The following ZNF577 variants were observed in gnomAD, a reference collection of about 807,000 sequenced individuals.
ZNF577 encodes zinc finger protein 577.
A neutral mutation model predicts 13.9 loss-of-function variants in ZNF577; 14 were observed. The ratio of observed to expected loss-of-function variants is 1.00; its 90% CI spans 0.66 to 1.57. The LOEUF (loss-of-function observed/expected upper bound fraction) is 1.57. Ranked by LOEUF, ZNF577 falls within the 40% of genes most tolerant of loss-of-function variation. The pLI is 0.00. For missense variants in ZNF577, 555 were observed against 579.2 expected (o/e 0.96, Z 0.43); for synonymous variants, 203 against 202.9 (o/e 1.00, Z 0.00).
chr19:51,869,152 T>C lies in ZNF577; in HGVS notation c.*3380A>G, dbSNP rs1235135047. On this transcript the variant is annotated 3_prime_UTR_variant, in exon 6 of 6. Transcript: ENST00000638348. ...ATAAAGGGTCTGTGCTGAGGAGGAT[T>C]AGTGAAAGAGGAAGGCCTCTTTGCA... Among the ~76,000 whole-genome samples the C allele has an allele frequency of 6.6e-6, 1 of 152,090 alleles. No homozygotes were observed. Among genetic ancestry groups the C allele is most frequent in the Admixed American group, 6.5e-5 (1 of 15,268 alleles).
intron 5 of ZNF577, among the ~76,000 whole-genome samples, chr19:51,851,499 C>T (rs565921760): frequency 6.6e-5 from 10 of 152,240 alleles, no homozygotes; most frequent in African/African-American, 2.2e-4. Context: ...CTTTCCCATA[C>T]GTTGAAAATT....
Position 51,873,421 on chromosome 19 carries a change from T to C in ZNF577, c.569A>G (p.Glu190Gly). ...CTTCCTCATGAATGTTTTCCCACAT[T>C]CACCACATCCATGGGGTTTCTCTCC... The part of the protein sequence containing the change: ...ERGEKPHGCG[E>G]CGKTFMRKIQ... Residue 190 changes from glutamate (E) to glycine (G), a missense_variant, in exon 6 of 6, where the codon GAA becomes GGA. Physicochemically the swap from Glu to Gly is moderately conservative, Grantham distance 98. Transcript: ENST00000638348. 6.2e-7 allele frequency: 1 copy of C among 1,614,216 alleles called. No individual in the cohort carries two copies. Among genetic ancestry groups the C allele is most frequent in the Non-Finnish European group, 8.5e-7 (1 of 1,180,044 alleles).
In ZNF577 at chr19:51,871,097, T is replaced by C. The variant is rs2084652193; in HGVS notation, c.*1435A>G. Among the ~76,000 whole-genome samples, 1 of 152,114 alleles carries C rather than the reference T, an allele frequency of 6.6e-6. No individual in the cohort carries two copies. Among genetic ancestry groups the C allele is most frequent in the Non-Finnish European group, 1.5e-5 (1 of 68,020 alleles). On this transcript the variant is annotated 3_prime_UTR_variant, in exon 6 of 6. Coordinates refer to ENST00000638348, the MANE Select transcript of ZNF577 (RefSeq NM_001370449.1). ...CATTCCGTACTCATAATGAAGTATGTTAGTTTCTTTTCCCCCCTTTTTTAG... is the reference window on the plus strand; with the variant it reads ...CATTCCGTACTCATAATGAAGTATGCTAGTTTCTTTTCCCCCCTTTTTTAG...
rs541513077 is a variant in ZNF577 at position 51,818,481 on chromosome 19, G to T, written c.*600-6807C>A. On this transcript the variant is annotated intron_variant and NMD_transcript_variant, in intron 9 of 10. Transcript: ENST00000638827. Reference sequence around the variant, plus strand: ...TGGAGTTTGTATATCAGTGCAGAAAGTATTTATGATAGAAAATAAATGAAC... The same window carrying T: ...TGGAGTTTGTATATCAGTGCAGAAATTATTTATGATAGAAAATAAATGAAC... 6.6e-5 allele frequency among the ~76,000 whole-genome samples: 10 copies of T among 152,306 alleles called. 2 individuals carry two copies. Among genetic ancestry groups the T allele is most frequent in the African/African-American group, 2.4e-4 (10 of 41,568 alleles).
intron 5 of ZNF577, among the ~76,000 whole-genome samples, chr19:51,876,339 G>A (rs909390362): frequency 2.6e-5 from 4 of 152,066 alleles, no homozygotes; most frequent in African/African-American, 9.7e-5. Flanking sequence ...CAGCGGGTTA[G>A]AGTGCAGATG....
intron 9 of ZNF577, among the ~76,000 whole-genome samples, chr19:51,827,258 G>A (rs73061092): frequency 0.1 from 15,783 of 152,230 alleles, 1,142 homozygotes; most frequent in Middle Eastern, 0.17. Flanking sequence ...ACAACCAGGA[G>A]TGAACAAAGA....
intron 8 of ZNF577, chr19:51,840,604 A>T (rs181260533): frequency 6.6e-6 from 1 of 152,110 alleles, no homozygotes; most frequent in African/African-American, 2.4e-5. Flanking sequence ...ACCCATTCCA[A>T]GAGAATATTA....
chr19:51,884,396 G>C (rs2084910683), intron 1 of ZNF577, among the ~76,000 whole-genome samples: 3 of 152,104 alleles, frequency 2.0e-5, no homozygotes, highest in Admixed American at 6.5e-5. Flanking sequence ...CAAAAGTGGA[G>C]GCACAGATAA....
At chr19:51,835,774 C>A (rs56112712) in intron 9 of ZNF577, among the ~76,000 whole-genome samples, 15,697 of 152,142 alleles carry the variant, frequency 0.1, 1,114 homozygotes, top group Middle Eastern at 0.16. Context: ...CTCACTGCAA[C>A]CTCCGCCTCC....
In ZNF577 at chr19:51,825,162, G is replaced by C. The variant is rs142284095; in HGVS notation, c.*600-13488C>G. 63 of 223,816 alleles carry C rather than the reference G, an allele frequency of 2.8e-4. 1 individual carries two copies. Among genetic ancestry groups the C allele is most frequent in the Middle Eastern group, 1.9e-3 (1 of 516 alleles). 13.9% of individuals were successfully genotyped at this position (223,816 alleles called of 1,614,324 possible). On this transcript the variant is annotated intron_variant and NMD_transcript_variant, in intron 9 of 10. Transcript: ENST00000638827. The stretch of plus-strand genomic sequence containing the variant: ...CAGGGTTCCCACTACCCCCTCTTTG[G>C]GGGTAGAGTGGCTCATGGAACTCAG...
intron 9 of ZNF577, among the ~76,000 whole-genome samples, chr19:51,837,023 G>A (rs1340288679): frequency 7.3e-6 from 1 of 136,818 alleles, no homozygotes; most frequent in African/African-American, 2.7e-5. Flanking sequence ...CAGCCTGGGT[G>A]ACAGAGTGAG....
intron 9 of ZNF577, among the ~76,000 whole-genome samples, chr19:51,833,484 G>A (rs925347742): frequency 6.6e-6 from 1 of 152,334 alleles, no homozygotes; most frequent in African/African-American, 2.4e-5. Context: ...TTCATGGAGA[G>A]AGAGAGCTGT....
In ZNF577 at chr19:51,873,046, C is replaced by G. The variant is rs2084688606; in HGVS notation, c.944G>C (p.Arg315Thr). ...CTCTCCCGTATGAATCCTCTGATGT[C>G]TGGTCAGGTCTGACTTAAAATAGAA... ...RTFYFKSDLT[R>T]HQRIHTGEKP... The change falls in exon 6 of 6, where the codon AGA becomes ACA. Residue 315 changes from arginine to threonine, a missense_variant. Physicochemically the swap from Arg to Thr is moderately conservative, Grantham distance 71 (BLOSUM62 -1). Coordinates refer to ENST00000638348, the MANE Select transcript of ZNF577 (RefSeq NM_001370449.1). The G allele has an allele frequency of 1.2e-6, 2 of 1,614,070 alleles. No individual in the cohort carries two copies. Among genetic ancestry groups the G allele is most frequent in the African/African-American group, 2.7e-5 (2 of 74,924 alleles).
At chr19:51,879,033 A>G (rs2084815286) in intron 3 of ZNF577, among the ~76,000 whole-genome samples, 1 of 150,980 alleles carries the variant, frequency 6.6e-6, no homozygotes, top group Non-Finnish European at 1.5e-5. Context: ...CGAGGTGGGC[A>G]GATCACAAAG....
intron 9 of ZNF577, among the ~76,000 whole-genome samples, chr19:51,819,555 C>T (rs2084172573): frequency 1.3e-5 from 2 of 152,062 alleles, no homozygotes; most frequent in African/African-American, 4.8e-5. Context: ...GTCACTGGAA[C>T]ATCAGGATAA....
At chr19:51,834,346 C>T (rs1383959752) in intron 9 of ZNF577, among the ~76,000 whole-genome samples, 1 of 152,148 alleles carries the variant, frequency 6.6e-6, no homozygotes, top group East Asian at 1.9e-4. Flanking sequence ...AATCAAGTAA[C>T]CTAACTGACA....
chr19:51,848,138 T>G (rs1475664047), intron 5 of ZNF577, among the ~76,000 whole-genome samples: 1 of 152,170 alleles, frequency 6.6e-6, no homozygotes, highest in East Asian at 1.9e-4. Flanking sequence ...TCTAAAGACC[T>G]CTCATCCTGT....
Position 51,880,834 on chromosome 19 carries a change from CCTT to C in ZNF577, c.-178_-176del, listed in dbSNP as rs2084851347. ...GATGATCTTCCCCAGCCTGGAAGCT[CCTT>C]CTTCCATTACTGAAAATGTCTTGTT... is the stretch of plus-strand genomic sequence containing the variant. On this transcript the variant is annotated 5_prime_UTR_variant, in exon 2 of 6. Transcript: ENST00000638348. 1 of 158,576 alleles carries C rather than the reference CCTT, an allele frequency of 6.3e-6. No individual in the cohort carries two copies. Among genetic ancestry groups the C allele is most frequent in the Non-Finnish European group, 1.4e-5 (1 of 72,112 alleles). 9.8% of individuals were successfully genotyped at this position (158,576 alleles called of 1,614,324 possible). A position where few individuals can be genotyped will look rare whatever the true frequency, so the allele number is the denominator to read the frequency against.
chr19:51,880,583 A>G, intron 2 of ZNF577, 96 bp downstream of exon 2: 1 of 619,718 alleles, frequency 1.6e-6, no homozygotes, highest in East Asian at 2.8e-5. Context: ...CCTGATTTTT[A>G]TCAGCATACA....
Sources: gnomAD v4.1 joint callset for allele counts (sites outside exome capture counted in the v4.1 genomes callset) on GRCh38, gnomAD v4.1.1 for gene constraint, MANE v1.5 for transcripts, NCBI Gene and HGNC (gene_info 2026-07-23, HGNC 2026-07-21) for gene names.